HS6ST3: variants seen among roughly 807,000 people sequenced by gnomAD.
HS6ST3 encodes the protein heparan sulfate 6-O-sulfotransferase 3.
A neutral mutation model predicts 36.7 loss-of-function variants in HS6ST3; 12 were observed. The observed-to-expected ratio is 0.33, with a 90% CI of 0.21 to 0.53. The LOEUF is 0.53. Among genes scored for constraint, HS6ST3 ranks in the 20% least tolerant of loss-of-function variants. HS6ST3 has a pLI of 0.95. For synonymous variants in HS6ST3, 240 were observed against 257.5 expected (o/e 0.93, Z 0.65); for missense variants, 584 against 640.9 (o/e 0.91, Z 0.96).
chr13:96,274,839 TCACACACACACA>T (rs60430769), intron 1 of HS6ST3, among the ~76,000 whole-genome samples: 14,133 of 126,088 alleles, frequency 0.11, 807 homozygotes, highest in Non-Finnish European at 0.13. Flanking sequence ...ACTTAGTCCT[TCACACACACACA>T]CACACACACA....
chr13:96,133,255 G>A (rs1042802041), intron 1 of HS6ST3, among the ~76,000 whole-genome samples: 1 of 152,114 alleles, frequency 6.6e-6, no homozygotes, highest in African/African-American at 2.4e-5. Flanking sequence ...CAGCCTCCGA[G>A]TAGCTGGGAT....
intron 1 of HS6ST3, among the ~76,000 whole-genome samples, chr13:96,712,883 A>G (rs1053893048): frequency 1.3e-5 from 2 of 152,246 alleles, no homozygotes; most frequent in Non-Finnish European, 2.9e-5. Context: ...GAACAGAAAT[A>G]GAAACCAAGG....
At chr13:96,315,049 G>A (rs1335234573) in intron 1 of HS6ST3, among the ~76,000 whole-genome samples, 2 of 152,058 alleles carry the variant, frequency 1.3e-5, no homozygotes, top group African/African-American at 4.8e-5. Flanking sequence ...TTACCTAAAT[G>A]TTTTTGACCT....
At chr13:96,200,086 T>G (rs1262086681) in intron 1 of HS6ST3, among the ~76,000 whole-genome samples, 2 of 152,166 alleles carry the variant, frequency 1.3e-5, no homozygotes, top group Non-Finnish European at 2.9e-5. Flanking sequence ...GAACTTCCCT[T>G]ACGATAAAGT....
chr13:96,726,420 A>T (rs1876007752), intron 1 of HS6ST3, among the ~76,000 whole-genome samples: 1 of 152,124 alleles, frequency 6.6e-6, no homozygotes, highest in Non-Finnish European at 1.5e-5. Context: ...AGTGTACAGG[A>T]CTTATATGTC....
intron 1 of HS6ST3, among the ~76,000 whole-genome samples, chr13:96,301,235 TA>T (rs1278437604): frequency 1.4e-4 from 21 of 152,196 alleles, no homozygotes; most frequent in African/African-American, 5.1e-4. Context: ...AAACAAAACA[TA>T]AAACATTTCA....
chr13:96,707,838 G>A (rs1566434942), intron 1 of HS6ST3, among the ~76,000 whole-genome samples: 1 of 152,198 alleles, frequency 6.6e-6, no homozygotes, highest in Non-Finnish European at 1.5e-5. Context: ...TAGAGAGCCA[G>A]GCTTAGCATG....
chr13:96,799,406 A>G (rs1487987190), intron 1 of HS6ST3, among the ~76,000 whole-genome samples: 1 of 152,118 alleles, frequency 6.6e-6, no homozygotes, highest in Non-Finnish European at 1.5e-5. Flanking sequence ...GATAGACTGG[A>G]TTAAGAAAAT....
chr13:96,827,337 T>G (rs952960278), intron 1 of HS6ST3, among the ~76,000 whole-genome samples: 5 of 152,164 alleles, frequency 3.3e-5, no homozygotes, highest in African/African-American at 1.2e-4. Context: ...TGGGAAGAGC[T>G]TAGGTTAACT....
chr13:96,434,328 T>C (rs1352174192), intron 1 of HS6ST3, among the ~76,000 whole-genome samples: 1 of 152,194 alleles, frequency 6.6e-6, no homozygotes, highest in African/African-American at 2.4e-5. Flanking sequence ...ACCTGGGGTA[T>C]AACACACTCT....
chr13:96,173,669 T>TAAAA (rs5805954), intron 1 of HS6ST3, among the ~76,000 whole-genome samples: 6 of 94,854 alleles, frequency 6.3e-5, no homozygotes, highest in East Asian at 3.1e-4. Flanking sequence ...TCACAGGTTG[T>TAAAA]AAAAAAAAAA....
intron 1 of HS6ST3, among the ~76,000 whole-genome samples, chr13:96,529,802 A>G (rs895562746): frequency 1.3e-5 from 2 of 152,164 alleles, no homozygotes; most frequent in African/African-American, 4.8e-5. Context: ...TTTTCTTAGC[A>G]TAAATTTAGA....
intron 1 of HS6ST3, among the ~76,000 whole-genome samples, chr13:96,568,399 TG>T (rs1379678234): frequency 6.6e-6 from 1 of 152,150 alleles, no homozygotes; most frequent in Non-Finnish European, 1.5e-5. Flanking sequence ...CCTGAGTAGC[TG>T]AGATTACAGG....
intron 1 of HS6ST3, among the ~76,000 whole-genome samples, chr13:96,183,236 T>G (rs2054247786): frequency 6.6e-6 from 1 of 152,194 alleles, no homozygotes; most frequent in African/African-American, 2.4e-5. Flanking sequence ...TTGATTTTTC[T>G]TCTCCTTTAC....
At chr13:96,755,373 T>C (rs1010099605) in intron 1 of HS6ST3, among the ~76,000 whole-genome samples, 1 of 148,600 alleles carries the variant, frequency 6.7e-6, no homozygotes, top group Non-Finnish European at 1.5e-5. Context: ...TTTTTGTTTT[T>C]GTTTTTTTTG....
rs202171617 is a variant in HS6ST3, at chr13:96,273,951, T to C, written c.707+182382T>C. On this transcript the variant is annotated intron_variant, in intron 1 of 1. Coordinates refer to ENST00000376705, the MANE Select transcript of HS6ST3 (RefSeq NM_153456.4). ...TCCCTCCCTCCCTCCCTCCCTCCCT[T>C]CCTTCCTTCCTCCCTCCCTCCCTCC... Among the ~76,000 whole-genome samples, 567 of 83,728 alleles carry C rather than the reference T, an allele frequency of 6.8e-3. 3 individuals are homozygous for C. The highest frequency in any genetic ancestry group is 0.011 in the Non-Finnish European group (463 of 43,286). 54.9% of individuals were successfully genotyped at this position (83,728 alleles called of 152,430 possible).
At chr13:96,506,402 T>A (rs2056026691) in intron 1 of HS6ST3, among the ~76,000 whole-genome samples, 1 of 152,186 alleles carries the variant, frequency 6.6e-6, no homozygotes, top group Non-Finnish European at 1.5e-5. Context: ...GAATATTTCC[T>A]GATTTTAAAA....
chr13:96,326,698 A>G (rs1364629517), intron 1 of HS6ST3, among the ~76,000 whole-genome samples: 1 of 152,128 alleles, frequency 6.6e-6, no homozygotes. Flanking sequence ...TTACCCAGTA[A>G]TGGGATGGCT....
chr13:96,443,049 T>C (rs1348346714), intron 1 of HS6ST3, among the ~76,000 whole-genome samples: 6 of 151,958 alleles, frequency 3.9e-5, no homozygotes, highest in Admixed American at 1.3e-4. Context: ...AGGAAAAATA[T>C]ACAAGAAAAC....
Sources: allele counts gnomAD v4.1 joint callset (sites outside exome capture counted in the v4.1 genomes callset), GRCh38; gene constraint gnomAD v4.1.1; transcripts MANE v1.5; gene names NCBI Gene and HGNC (gene_info 2026-07-23, HGNC 2026-07-21).